Variants in ABHD2 observed in about 807,000 individuals in gnomAD.
The protein encoded by ABHD2 is monoacylglycerol lipase ABHD2.
Under a neutral mutation model 48.1 loss-of-function variants are expected in ABHD2, and 20 were observed. That is an observed-to-expected ratio of 0.42 (90% confidence interval 0.29 to 0.60). The LOEUF (loss-of-function observed/expected upper bound fraction) is 0.60. ABHD2 is among the 20% of genes least tolerant of loss of function. The pLI, the probability that ABHD2 is intolerant of heterozygous loss-of-function variation, is 0.24. For missense variants in ABHD2, 405 were observed against 550.9 expected (o/e 0.74, Z 2.65); for synonymous variants, 209 against 214.2 (o/e 0.98, Z 0.21).
At chr15:89,109,184 G>A (rs535446859) in intron 1 of ABHD2, among the ~76,000 whole-genome samples, 7 of 152,188 alleles carry the variant, frequency 4.6e-5, no homozygotes, top group Admixed American at 2.6e-4. Context: ...AAAGAGGCAT[G>A]GGAGACACAG....
intron 3 of ABHD2, among the ~76,000 whole-genome samples, chr15:89,140,002 G>GGGAGGGCTTCCCAGGATGA (rs2050377203): frequency 6.6e-6 from 1 of 152,178 alleles, no homozygotes; most frequent in Non-Finnish European, 1.5e-5. Context: ...TTTTCTTCTT[G>GGGAGGGCTTCCCAGGATGA]GGAGGGCTTC....
Position 89,094,211 on chromosome 15 carries a change from GC to G in ABHD2, c.-107+5649del, listed in dbSNP as rs1179944825. The G allele has an allele frequency of 1.3e-5, 2 of 151,878 alleles. No homozygotes were observed. The highest frequency in any genetic ancestry group is 2.9e-5 in the Non-Finnish European group (2 of 67,960). The allele number at this position is 151,878 out of a possible 1,614,324, so 9.4% of individuals were successfully genotyped here. ...CCGATCTCGGTGCACTGCAACCTCT[GC>G]TTCCCGGGTTCAAGCGATTTTCCTG... is the stretch of plus-strand genomic sequence containing the variant. On this transcript the variant is annotated intron_variant, in intron 1 of 10. Coordinates refer to ENST00000352732, the MANE Select transcript of ABHD2 (RefSeq NM_152924.5). The surrounding 1 kb of genome is among the most constrained non-coding windows in gnomAD (Gnocchi z 4.7).
chr15:89,201,502 G>C lies in ABHD2; in HGVS notation c.*6079G>C. On this transcript the variant is annotated 3_prime_UTR_variant, in exon 11 of 11. Coordinates refer to ENST00000352732, the MANE Select transcript of ABHD2 (RefSeq NM_152924.5). ...TTCCATATCTGAAGTGTTTAGTGGA[G>C]CAAAAATTGTACCATAAACTTGTGT... 1 of 1,585,542 alleles carries C rather than the reference G, an allele frequency of 6.3e-7. No individual in the cohort carries two copies. Among genetic ancestry groups the C allele is most frequent in the Non-Finnish European group, 8.7e-7 (1 of 1,154,528 alleles).
At chr15:89,163,419 T>C (rs1295573247) in intron 5 of ABHD2, among the ~76,000 whole-genome samples, 1 of 152,254 alleles carries the variant, frequency 6.6e-6, no homozygotes, top group Non-Finnish European at 1.5e-5. Context: ...TTACCATTTA[T>C]CTCACTCTAA....
intron 1 of ABHD2, among the ~76,000 whole-genome samples, chr15:89,107,092 C>G (rs2049798131): frequency 6.6e-6 from 1 of 152,090 alleles, no homozygotes; most frequent in Non-Finnish European, 1.5e-5. Flanking sequence ...GGATTTTTAC[C>G]TGCAGGGAAG....
intron 3 of ABHD2, among the ~76,000 whole-genome samples, chr15:89,124,236 C>T (rs772577530): frequency 4.1e-4 from 62 of 152,202 alleles, no homozygotes; most frequent in Admixed American, 3.7e-3. Flanking sequence ...ATATATGAAA[C>T]GGCCACTTCT....
intron 3 of ABHD2, among the ~76,000 whole-genome samples, chr15:89,131,673 A>T (rs1024197586): frequency 1.3e-5 from 2 of 152,256 alleles, no homozygotes; most frequent in Admixed American, 1.3e-4. Flanking sequence ...GGGAAAATAA[A>T]AAATTTCACA....
intron 3 of ABHD2, among the ~76,000 whole-genome samples, chr15:89,145,504 A>C (rs1166605355): frequency 1.3e-5 from 2 of 152,196 alleles, no homozygotes; most frequent in East Asian, 1.9e-4. Flanking sequence ...AGATGGGAAC[A>C]TGATGGTTTA....
At position 89,164,315 on chromosome 15, in the gene ABHD2, G is replaced by A. The variant is rs2050805120; in HGVS notation, c.538+8781G>A. The stretch of plus-strand genomic sequence containing the variant: ...ACCAACAGCAACCTTTTCACAGACA[G>A]GGACCAGATCTGCATTTCTAATTTT... On this transcript the variant is annotated intron_variant, in intron 5 of 10. Transcript: ENST00000352732. This position sits in a 1 kb window ranked among gnomAD's most constrained non-coding sequence, Gnocchi z 5.0. 6.6e-6 allele frequency among the ~76,000 whole-genome samples: 1 copy of A among 152,182 alleles called. No individual in the cohort carries two copies.
At chr15:89,190,324 G>A (rs1848449185) in intron 8 of ABHD2, among the ~76,000 whole-genome samples, 2 of 152,158 alleles carry the variant, frequency 1.3e-5, no homozygotes, top group African/African-American at 2.4e-5. Flanking sequence ...GCAGAGCTGC[G>A]GCCCCTCATT....
At chr15:89,085,206 T>C (rs1348639453), upstream of ABHD2, among the ~76,000 whole-genome samples, 1 of 152,046 alleles carries the variant, frequency 6.6e-6, no homozygotes, top group Non-Finnish European at 1.5e-5. The surrounding 1 kb of genome is among the most constrained non-coding windows in gnomAD (Gnocchi z 4.2). Context: ...AGAAGGTGAC[T>C]GGGGCATACC....
intron 3 of ABHD2, among the ~76,000 whole-genome samples, chr15:89,138,494 C>T (rs1281295459): frequency 6.6e-6 from 1 of 152,214 alleles, no homozygotes; most frequent in Non-Finnish European, 1.5e-5. Flanking sequence ...TGTTAACATT[C>T]TGGCCTTATC....
At chr15:89,147,279 A>G (rs2050507865) in intron 3 of ABHD2, among the ~76,000 whole-genome samples, 1 of 151,828 alleles carries the variant, frequency 6.6e-6, no homozygotes, top group Non-Finnish European at 1.5e-5. Context: ...AGGTTAATAC[A>G]TTTTTTAAAA....
rs916136851 is a variant in ABHD2, at chr15:89,176,101, G to T, written c.722+106G>T. 8 of 1,229,864 alleles carry T rather than the reference G, an allele frequency of 6.5e-6. No individual in the cohort carries two copies. Among genetic ancestry groups the T allele is most frequent in the African/African-American group, 3.0e-5 (2 of 65,670 alleles). The allele number at this position is 1,229,864 out of a possible 1,614,324, so 76.2% of individuals were successfully genotyped here. ...GTGAAGACCGGGGAACACTGTGGCC[G>T]ACTGAGTAGAAGTTTCTGAGTCTTG... is the stretch of plus-strand genomic sequence containing the variant. On this transcript the variant is annotated intron_variant, in intron 6 of 10. Coordinates refer to ENST00000352732, the MANE Select transcript of ABHD2 (RefSeq NM_152924.5). The surrounding 1 kb of genome is among the most constrained non-coding windows in gnomAD (Gnocchi z 4.5).
rs1439004182 is a variant in ABHD2, at chr15:89,197,223, C to T, written c.*1800C>T. ...TCATCCGAATGACATCAAAAGCAGC[C>T]CTTATCTCAGAGACTGAGATTTCTG... On this transcript the variant is annotated 3_prime_UTR_variant, in exon 11 of 11. Coordinates refer to ENST00000352732, the MANE Select transcript of ABHD2 (RefSeq NM_152924.5). This position sits in a 1 kb window ranked among gnomAD's most constrained non-coding sequence, Gnocchi z 4.4. The T allele has an allele frequency of 6.6e-6, 1 of 152,600 alleles. No individual in the cohort carries two copies. The highest frequency in any genetic ancestry group is 1.5e-5 in the Non-Finnish European group (1 of 68,042). 9.5% of individuals were successfully genotyped at this position (152,600 alleles called of 1,614,324 possible). A position where few individuals can be genotyped will look rare whatever the true frequency, so the allele number is the denominator to read the frequency against.
At chr15:89,159,823 G>A (rs916806500) in intron 5 of ABHD2, among the ~76,000 whole-genome samples, 1 of 149,124 alleles carries the variant, frequency 6.7e-6, no homozygotes, top group Non-Finnish European at 1.5e-5. Flanking sequence ...GTAAATTTCT[G>A]TAGTTTATTA....
At chr15:89,067,627 G>T in the ABHD2 span, among the ~76,000 whole-genome samples, 22,050 of 152,102 alleles carry the variant, frequency 0.14, 1,829 homozygotes, top group South Asian at 0.26. Context: ...TTCCAAGACT[G>T]TTTTACATTA....
intron 1 of ABHD2, among the ~76,000 whole-genome samples, chr15:89,105,834 A>AGGTGGT (rs571152771): frequency 6.6e-6 from 1 of 151,558 alleles, no homozygotes; most frequent in African/African-American, 2.4e-5. Context: ...TTCTGGCTTG[A>AGGTGGT]GGTGGTGGTG....
At chr15:89,086,433 C>A (rs1384234428), upstream of ABHD2, among the ~76,000 whole-genome samples, 3 of 152,022 alleles carry the variant, frequency 2.0e-5, no homozygotes, top group African/African-American at 7.3e-5. Context: ...GTTTATTTGT[C>A]AAACAAGGTC....
Sources: allele counts gnomAD v4.1 joint callset (sites outside exome capture counted in the v4.1 genomes callset), GRCh38; gene constraint gnomAD v4.1.1; non-coding constraint Gnocchi (gnomAD v3.1); transcripts MANE v1.5; gene names NCBI Gene and HGNC (gene_info 2026-07-23, HGNC 2026-07-21).